The following OLFM3 variants were observed in gnomAD, a reference collection of about 807,000 sequenced individuals.
OLFM3 encodes the protein olfactomedin 3.
OLFM3 carries 20 observed loss-of-function variants against 48.6 expected under a neutral mutation model. The ratio of observed to expected loss-of-function variants is 0.41; its 90% CI spans 0.29 to 0.60. OLFM3 has a LOEUF of 0.60. OLFM3 is among the 20% of genes least tolerant of loss of function. The probability of loss-of-function intolerance (pLI) is 0.28; values close to 1 mark genes in which losing one functional copy is unlikely to be tolerated. For synonymous variants in OLFM3, 222 were observed against 198.1 expected, an observed-to-expected ratio of 1.12 and a Z score of -1.01; for missense variants, 437 against 544.3, an observed-to-expected ratio of 0.80 and a Z score of 1.96.
chr1:101,969,254 A>G (rs1011467241), intron 1 of OLFM3, among the ~76,000 whole-genome samples: 4 of 151,608 alleles, frequency 2.6e-5, no homozygotes, highest in African/African-American at 9.7e-5. Context: ...GGCTCAAGCG[A>G]TCCTCCTGCC....
At chr1:101,870,710 G>T (rs770392892) in intron 1 of OLFM3, among the ~76,000 whole-genome samples, 26 of 152,002 alleles carry the variant, frequency 1.7e-4, no homozygotes, top group Non-Finnish European at 1.2e-4. Context: ...GATAATGGGG[G>T]TCTTTTTTTT....
chr1:101,926,712 T>A (rs1222586388), intron 1 of OLFM3, among the ~76,000 whole-genome samples: 1 of 152,188 alleles, frequency 6.6e-6, no homozygotes, highest in Non-Finnish European at 1.5e-5. Context: ...TTAGTGGCAG[T>A]CATTTCTGAT....
intron 1 of OLFM3, among the ~76,000 whole-genome samples, chr1:101,957,015 C>A (rs900265145): frequency 2.0e-5 from 3 of 151,806 alleles, no homozygotes; most frequent in African/African-American, 7.2e-5. Flanking sequence ...GGCTGTAGAT[C>A]AAACTTTGGA....
intron 1 of OLFM3, among the ~76,000 whole-genome samples, chr1:101,852,484 T>C: frequency 6.6e-6 from 1 of 152,094 alleles, no homozygotes; most frequent in East Asian, 1.9e-4. Context: ...TTTTATGACC[T>C]CTCTTTCTTA....
chr1:101,822,386 G>T (rs1157482666), intron 4 of OLFM3, among the ~76,000 whole-genome samples: 1 of 152,070 alleles, frequency 6.6e-6, no homozygotes, highest in Non-Finnish European at 1.5e-5. Flanking sequence ...GCCTGTCCTT[G>T]CTTCAGTAGA....
chr1:101,871,450 T>G (rs1257734031), intron 1 of OLFM3, among the ~76,000 whole-genome samples: 1 of 152,124 alleles, frequency 6.6e-6, no homozygotes, highest in Non-Finnish European at 1.5e-5. Flanking sequence ...TTACTCATAG[T>G]AAATTGTGTA....
At chr1:101,951,518 T>C (rs1242156175) in intron 1 of OLFM3, among the ~76,000 whole-genome samples, 1 of 152,158 alleles carries the variant, frequency 6.6e-6, no homozygotes, top group East Asian at 1.9e-4. Context: ...GTTCCTGTAA[T>C]GAAAGGAAAT....
intron 1 of OLFM3, among the ~76,000 whole-genome samples, chr1:101,894,444 C>A (rs1401430073): frequency 2.0e-5 from 3 of 152,042 alleles, no homozygotes; most frequent in Non-Finnish European, 4.4e-5. Context: ...ACGGTAGATA[C>A]CTAAATTATC....
At chr1:101,892,739 CTTCTT>C (rs1314066403) in intron 1 of OLFM3, among the ~76,000 whole-genome samples, 1 of 152,002 alleles carries the variant, frequency 6.6e-6, no homozygotes, top group Non-Finnish European at 1.5e-5. Context: ...ATGCCCAACT[CTTCTT>C]TTCTTCTTTA....
intron 1 of OLFM3, among the ~76,000 whole-genome samples, chr1:101,901,689 T>C (rs1038643378): frequency 1.3e-5 from 2 of 152,038 alleles, no homozygotes; most frequent in African/African-American, 2.4e-5. Context: ...ATGAGAAATA[T>C]ATGGTGATTT....
intron 1 of OLFM3, among the ~76,000 whole-genome samples, chr1:101,863,650 T>G (rs1656746964): frequency 6.6e-6 from 1 of 152,180 alleles, no homozygotes. Context: ...ATCAATATAT[T>G]TTCCCTTATA....
intron 1 of OLFM3, among the ~76,000 whole-genome samples, chr1:101,842,071 G>A (rs997677892): frequency 2.0e-5 from 3 of 152,178 alleles, no homozygotes; most frequent in Non-Finnish European, 4.4e-5. Flanking sequence ...TCTGGAGGAT[G>A]TTAATAAAGA....
At chr1:101,985,474 A>G (rs909881139) in intron 1 of OLFM3, among the ~76,000 whole-genome samples, 5 of 152,230 alleles carry the variant, frequency 3.3e-5, no homozygotes, top group African/African-American at 1.2e-4. Context: ...AAACTTTCTC[A>G]TAATTATTTC....
intron 1 of OLFM3, among the ~76,000 whole-genome samples, chr1:101,962,182 G>T (rs537078052): frequency 1.3e-5 from 2 of 152,080 alleles, no homozygotes; most frequent in African/African-American, 2.4e-5. Flanking sequence ...AGGGGTGATG[G>T]ATAGAACTGT....
intron 1 of OLFM3, chr1:101,847,094 T>G: frequency 1.4e-6 from 2 of 1,383,514 alleles, no homozygotes; most frequent in Non-Finnish European, 9.4e-7. Flanking sequence ...CTTCCCCAGC[T>G]CTAATCACCC....
At chr1:101,952,487 A>G (rs1041689409) in intron 1 of OLFM3, among the ~76,000 whole-genome samples, 5 of 152,094 alleles carry the variant, frequency 3.3e-5, no homozygotes, top group Non-Finnish European at 7.4e-5. Flanking sequence ...ATGCTAGTAA[A>G]TAGATTTTTT....
intron 1 of OLFM3, chr1:101,847,069 A>T: frequency 5.5e-6 from 8 of 1,449,714 alleles, no homozygotes; most frequent in East Asian, 2.4e-5. Context: ...CATCTACAGC[A>T]TGAAAAGAGA....
At chr1:101,949,626 C>T (rs971344900) in intron 1 of OLFM3, among the ~76,000 whole-genome samples, 1 of 152,046 alleles carries the variant, frequency 6.6e-6, no homozygotes, top group African/African-American at 2.4e-5. Context: ...CAAGCCATTC[C>T]TCTATTAAAA....
chr1:101,868,979 A>G (rs945958005), intron 1 of OLFM3, among the ~76,000 whole-genome samples: 3 of 152,204 alleles, frequency 2.0e-5, no homozygotes, highest in Non-Finnish European at 4.4e-5. Flanking sequence ...ATTTCAGAGG[A>G]TGTATGGAAA....
Sources: allele counts gnomAD v4.1 joint callset (sites outside exome capture counted in the v4.1 genomes callset), GRCh38; gene constraint gnomAD v4.1.1; transcripts MANE v1.5; gene names NCBI Gene and HGNC (gene_info 2026-07-23, HGNC 2026-07-21).